GASK1A: variants seen among roughly 807,000 people sequenced by gnomAD.
GASK1A encodes Golgi-associated kinase 1A.
Under a neutral mutation model 41.2 loss-of-function variants are expected in GASK1A, and 40 were observed. The ratio of observed to expected loss-of-function variants is 0.97; its 90% CI spans 0.75 to 1.27. The LOEUF (loss-of-function observed/expected upper bound fraction) is 1.27. GASK1A is among the 50% of genes most tolerant of loss of function. The pLI, the probability that GASK1A is intolerant of heterozygous loss-of-function variation, is 0.00. For missense variants in GASK1A, 678 were observed against 745.1 expected (o/e 0.91, Z 1.05); for synonymous variants, 316 against 307.1 (o/e 1.03, Z -0.30).
At chr3:43,008,821 C>T (rs958781017) in intron 1 of GASK1A, among the ~76,000 whole-genome samples, 1 of 152,206 alleles carries the variant, frequency 6.6e-6, no homozygotes, top group East Asian at 1.9e-4. Flanking sequence ...GTATCAGTCC[C>T]TGAAACCTCT....
At position 43,004,807 on chromosome 3, in the gene GASK1A, G is replaced by A. The variant is rs529403265; in HGVS notation, c.3+25162G>A. ...AGATGTATTAGCTTCGTATTGGTGC[G>A]GTAACAAATTGCTAGGAACTTGTTG... On this transcript the variant is annotated intron_variant, in intron 1 of 4. Coordinates refer to ENST00000430121, the MANE Select transcript of GASK1A (RefSeq NM_001129908.3). Among the ~76,000 whole-genome samples, 12 of 152,294 alleles carry A rather than the reference G, an allele frequency of 7.9e-5. No homozygotes were observed. The South Asian group carries it at 8.3e-4, about 11-fold the overall frequency.
At chr3:43,055,301 A>G in intron 3 of GASK1A, 131 bp from the exon 4 acceptor site, 1 of 635,080 alleles carries the variant, frequency 1.6e-6, no homozygotes, top group Non-Finnish European at 2.8e-6. Context: ...AGCGGTGAGG[A>G]CTGTTTGTTA....
chr3:42,991,921 G>A (rs934571956), intron 1 of GASK1A, among the ~76,000 whole-genome samples: 1 of 152,124 alleles, frequency 6.6e-6, no homozygotes, highest in African/African-American at 2.4e-5. Flanking sequence ...CCAGCCTCCC[G>A]GCAAGCCTGG....
rs543632815 is a variant in GASK1A, at chr3:43,038,695, T to C, written c.1290+5142T>C. 4.6e-5 allele frequency among the ~76,000 whole-genome samples: 7 copies of C among 152,358 alleles called. No homozygotes were observed. In the East Asian group the frequency reaches 1.3e-3, roughly 29 times the overall value. On this transcript the variant is annotated intron_variant, in intron 2 of 4. Coordinates refer to ENST00000430121, the MANE Select transcript of GASK1A (RefSeq NM_001129908.3). ...AATTTAGTAGAAGCAGGTATACTTCTATCATTTTGATGTTTTTGTTAATGT... is the reference window on the plus strand; with the variant it reads ...AATTTAGTAGAAGCAGGTATACTTCCATCATTTTGATGTTTTTGTTAATGT...
At chr3:43,009,170 G>T (rs907736800) in intron 1 of GASK1A, among the ~76,000 whole-genome samples, 1 of 152,126 alleles carries the variant, frequency 6.6e-6, no homozygotes, top group African/African-American at 2.4e-5. Flanking sequence ...GGGCAAAGCT[G>T]GGGGGTTGGA....
intron 1 of GASK1A, among the ~76,000 whole-genome samples, chr3:43,024,981 A>T (rs938989435): frequency 2.0e-5 from 3 of 152,206 alleles, no homozygotes; most frequent in Non-Finnish European, 2.9e-5. Flanking sequence ...GAGCAATGGA[A>T]ACAGGAGGAG....
intron 1 of GASK1A, among the ~76,000 whole-genome samples, chr3:42,985,860 C>G (rs777781778): frequency 2.0e-5 from 3 of 152,096 alleles, no homozygotes; most frequent in African/African-American, 4.8e-5. Flanking sequence ...AAGTATTGGT[C>G]AGGATGCCAG....
chr3:43,020,626 T>A (rs1267820403), intron 1 of GASK1A, among the ~76,000 whole-genome samples: 1 of 152,234 alleles, frequency 6.6e-6, no homozygotes, highest in African/African-American at 2.4e-5. Context: ...GCATAACAAA[T>A]AGCCTCAGTC....
intron 1 of GASK1A, among the ~76,000 whole-genome samples, chr3:42,979,878 T>C (rs2089273900): frequency 6.6e-6 from 1 of 152,098 alleles, no homozygotes; most frequent in Non-Finnish European, 1.5e-5. Flanking sequence ...AGGGGGCTTT[T>C]ATTACTAATC....
chr3:42,985,661 G>A (rs1265380645), intron 1 of GASK1A, among the ~76,000 whole-genome samples: 1 of 151,720 alleles, frequency 6.6e-6, no homozygotes, highest in Admixed American at 6.6e-5. Flanking sequence ...CTTCAGCCCT[G>A]TGGGCCAAAT....
intron 1 of GASK1A, among the ~76,000 whole-genome samples, chr3:42,980,381 G>T (rs1051677729): frequency 1.3e-5 from 2 of 152,196 alleles, no homozygotes; most frequent in Non-Finnish European, 1.5e-5. Context: ...CGTCCCTCAG[G>T]CCCGGCCGCT....
intron 1 of GASK1A, among the ~76,000 whole-genome samples, chr3:43,007,742 A>G (rs1274265695): frequency 1.3e-5 from 2 of 152,100 alleles, no homozygotes; most frequent in East Asian, 1.9e-4. Context: ...TGTTATTTTC[A>G]TATTTCAGGA....
intron 2 of GASK1A, among the ~76,000 whole-genome samples, chr3:43,040,876 T>TCCCCCCC (rs1350593107): frequency 1.1e-5 from 1 of 90,076 alleles, no homozygotes; most frequent in Non-Finnish European, 2.5e-5. Flanking sequence ...ATGCTATCCC[T>TCCCCCCC]CCCCCCCGCC....
At chr3:43,034,041 G>T (rs893714698) in intron 2 of GASK1A, among the ~76,000 whole-genome samples, 3 of 152,178 alleles carry the variant, frequency 2.0e-5, no homozygotes, top group Non-Finnish European at 4.4e-5. Context: ...TTACACCATG[G>T]AAAGCAGCAA....
chr3:43,033,687 CT>C, intron 2 of GASK1A, 134 bp downstream of exon 2: 1 of 795,712 alleles, frequency 1.3e-6, no homozygotes, highest in Non-Finnish European at 1.8e-6. Flanking sequence ...CAAGCACCTG[CT>C]TTTGTAATTT....
chr3:42,986,125 G>T (rs2089308054), intron 1 of GASK1A, among the ~76,000 whole-genome samples: 1 of 152,158 alleles, frequency 6.6e-6, no homozygotes, highest in African/African-American at 2.4e-5. Context: ...ATGTCCATAC[G>T]GTGGACTACT....
intron 2 of GASK1A, among the ~76,000 whole-genome samples, chr3:43,048,014 A>G (rs17469356): frequency 0.14 from 21,636 of 152,244 alleles, 1,882 homozygotes; most frequent in South Asian, 0.36. Context: ...TGAATGTGAC[A>G]GCAAAACCAT....
In GASK1A at chr3:42,986,032, A is replaced by G. The variant is rs1234041485; in HGVS notation, c.3+6387A>G. Among the ~76,000 whole-genome samples the G allele has an allele frequency of 3.9e-5, 6 of 152,214 alleles. No homozygotes were observed. In the East Asian group the frequency reaches 1.2e-3, roughly 29 times the overall value. ...ATGTCTACAAAAAAACCTGATGCAA[A>G]TGTTTATAACAGCTTTACGTATAAT... On this transcript the variant is annotated intron_variant, in intron 1 of 4. Transcript: ENST00000430121.
chr3:42,986,937 A>C (rs575932075), intron 1 of GASK1A, among the ~76,000 whole-genome samples: 1 of 152,316 alleles, frequency 6.6e-6, no homozygotes, highest in South Asian at 2.1e-4. Context: ...GTTCTTGTTC[A>C]GGCATCCGGA....
Sources: gnomAD v4.1 joint callset for allele counts (sites outside exome capture counted in the v4.1 genomes callset) on GRCh38, gnomAD v4.1.1 for gene constraint, MANE v1.5 for transcripts, NCBI Gene and HGNC (gene_info 2026-07-23, HGNC 2026-07-21) for gene names.